AGBL1: variants seen among roughly 807,000 people sequenced by gnomAD.
The protein encoded by AGBL1 is AGBL carboxypeptidase 1.
AGBL1 carries 130 observed loss-of-function variants against 118.9 expected under a neutral mutation model. That is an observed-to-expected ratio of 1.09 (90% CI 0.95 to 1.26). AGBL1 has a LOEUF of 1.26. Ranked by LOEUF, AGBL1 falls within the 50% of genes most tolerant of loss-of-function variation. AGBL1 has a pLI of 0.00. For synonymous variants in AGBL1, 555 were observed against 478.9 expected, an observed-to-expected ratio of 1.16 and a Z score of -2.08; for missense variants, 1,584 against 1,298.1, an observed-to-expected ratio of 1.22 and a Z score of -3.38.
chr15:87,000,820 G>C (rs1202621222), intron 24 of AGBL1, among the ~76,000 whole-genome samples: 252 of 144,992 alleles, frequency 1.7e-3, no homozygotes, highest in African/African-American at 6.4e-3. Context: ...ACCTTGGGCA[G>C]TATGGCCACT....
chr15:86,271,043 ATTTTT>A (rs58166692), intron 14 of AGBL1, among the ~76,000 whole-genome samples: 7 of 89,062 alleles, frequency 7.9e-5, no homozygotes, highest in Admixed American at 4.7e-4. Flanking sequence ...GTCACGTTGC[ATTTTT>A]TTTTTTTTTT....
chr15:86,948,632 G>A (rs1355255860), intron 23 of AGBL1, among the ~76,000 whole-genome samples: 2 of 152,186 alleles, frequency 1.3e-5, no homozygotes, highest in Middle Eastern at 3.2e-3. Context: ...TGCGTGTGAT[G>A]AGTATGTCTT....
chr15:86,388,377 A>G (rs1225138156), intron 17 of AGBL1, among the ~76,000 whole-genome samples: 1 of 152,042 alleles, frequency 6.6e-6, no homozygotes, highest in Non-Finnish European at 1.5e-5. Context: ...TTAAAAGAAT[A>G]CTGAAGGAAC....
chr15:86,954,981 G>A (rs916334451), intron 23 of AGBL1, among the ~76,000 whole-genome samples: 3 of 152,088 alleles, frequency 2.0e-5, no homozygotes, highest in Non-Finnish European at 4.4e-5. Flanking sequence ...ACTTGTAAGA[G>A]TGTAAGTTCA....
chr15:86,475,842 C>A lies in AGBL1; in HGVS notation c.2556-46968C>A, dbSNP rs543088337. ...CCAGAAAGAAAGGTCGGGTTACCCACAAAGGGAAGCCCATCAGACTAACAG... is the reference window on the plus strand; with the variant it reads ...CCAGAAAGAAAGGTCGGGTTACCCAAAAAGGGAAGCCCATCAGACTAACAG... On this transcript the variant is annotated intron_variant, in intron 18 of 22. Coordinates refer to ENST00000614907, the MANE Select transcript of AGBL1 (RefSeq NM_001386094.1). Among the ~76,000 whole-genome samples, 4 of 152,290 alleles carry A rather than the reference C, an allele frequency of 2.6e-5. No homozygotes were observed. The East Asian group carries it at 7.7e-4, about 29-fold the overall frequency.
At chr15:86,902,057 A>G (rs2080219215) in intron 22 of AGBL1, among the ~76,000 whole-genome samples, 1 of 152,146 alleles carries the variant, frequency 6.6e-6, no homozygotes, top group African/African-American at 2.4e-5. Flanking sequence ...GCTATTACAA[A>G]TCAAGCTGCT....
At chr15:86,863,211 G>A (rs916491498) in intron 22 of AGBL1, among the ~76,000 whole-genome samples, 23 of 152,172 alleles carry the variant, frequency 1.5e-4, no homozygotes, top group African/African-American at 5.3e-4. Flanking sequence ...GGCATATAGA[G>A]ACTCCGGATA....
At chr15:86,833,727 G>T (rs1486490344) in intron 22 of AGBL1, among the ~76,000 whole-genome samples, 1 of 152,112 alleles carries the variant, frequency 6.6e-6, no homozygotes, top group Non-Finnish European at 1.5e-5. Flanking sequence ...ATCACGAACA[G>T]CTGGGACACT....
intron 15 of AGBL1, among the ~76,000 whole-genome samples, chr15:86,275,091 G>T (rs1047797842): frequency 6.6e-6 from 1 of 152,054 alleles, no homozygotes; most frequent in Non-Finnish European, 1.5e-5. Flanking sequence ...AGTTCCCTGT[G>T]GTCTGCTTCT....
intron 23 of AGBL1, among the ~76,000 whole-genome samples, chr15:86,921,477 C>A (rs1473855845): frequency 6.6e-6 from 1 of 152,216 alleles, no homozygotes; most frequent in Non-Finnish European, 1.5e-5. Flanking sequence ...CTCTAGCTTC[C>A]TTGGCTATTG....
At chr15:86,257,214 G>A (rs1190615883) in intron 8 of AGBL1, among the ~76,000 whole-genome samples, 196 bp downstream of exon 8, 1 of 152,136 alleles carries the variant, frequency 6.6e-6, no homozygotes, top group Non-Finnish European at 1.5e-5. Flanking sequence ...AAAAAACCAA[G>A]CTCGCTTATT....
intron 21 of AGBL1, among the ~76,000 whole-genome samples, chr15:86,560,916 C>T (rs1298892234): frequency 6.6e-6 from 1 of 152,162 alleles, no homozygotes; most frequent in Non-Finnish European, 1.5e-5. Flanking sequence ...TTTCATGTGT[C>T]TGTTGGCGGC....
At position 86,902,332 on chromosome 15, in the gene AGBL1, G is replaced by C. The variant is rs575417440; in HGVS notation, c.3159-4755G>C. Among the ~76,000 whole-genome samples, 54 of 152,108 alleles carry C rather than the reference G, an allele frequency of 3.6e-4. 2 individuals are homozygous for C. In the South Asian group the frequency reaches 9.3e-3, roughly 26 times the overall value. ...AGGTGGGCAGTGATATCTCATTATA[G>C]TCTTAATTTGCATTTCCCTCACAGT... is the stretch of plus-strand genomic sequence containing the variant. On this transcript the variant is annotated intron_variant, in intron 22 of 22. Transcript: ENST00000614907.
chr15:86,214,627 C>T (rs1186367947), intron 5 of AGBL1, among the ~76,000 whole-genome samples: 1 of 152,134 alleles, frequency 6.6e-6, no homozygotes, highest in Non-Finnish European at 1.5e-5. Flanking sequence ...CCGGTCTGCT[C>T]CTTTCCCCTC....
intron 7 of AGBL1, among the ~76,000 whole-genome samples, chr15:86,254,038 C>T (rs1496887): frequency 0.018 from 2,667 of 152,268 alleles, 47 homozygotes; most frequent in East Asian, 0.068. Flanking sequence ...GCTTTGGCTA[C>T]ATAGAAGCAG....
At chr15:86,122,828 C>A (rs1379994754) in intron 1 of AGBL1, among the ~76,000 whole-genome samples, 1 of 152,144 alleles carries the variant, frequency 6.6e-6, no homozygotes, top group Non-Finnish European at 1.5e-5. Context: ...GAACATGTCT[C>A]ATTATACCCT....
intron 23 of AGBL1, among the ~76,000 whole-genome samples, chr15:86,944,708 ACC>A (rs1156427036): frequency 1.3e-5 from 2 of 152,332 alleles, no homozygotes; most frequent in African/African-American, 2.4e-5. Flanking sequence ...AATTTTTAAT[ACC>A]TTCAATTCAT....
At chr15:86,401,301 AT>A (rs985141062) in intron 18 of AGBL1, among the ~76,000 whole-genome samples, 141 of 149,980 alleles carry the variant, frequency 9.4e-4, no homozygotes, top group African/African-American at 2.9e-3. Flanking sequence ...TTTTGATGGG[AT>A]TTTTTTTTCT....
chr15:86,849,420 T>A (rs1157689133), intron 22 of AGBL1, among the ~76,000 whole-genome samples: 1 of 152,098 alleles, frequency 6.6e-6, no homozygotes, highest in Non-Finnish European at 1.5e-5. Context: ...GGCTAAATAA[T>A]TCAAATCAGA....
Sources: allele counts gnomAD v4.1 joint callset (sites outside exome capture counted in the v4.1 genomes callset), GRCh38; gene constraint gnomAD v4.1.1; transcripts MANE v1.5; gene names NCBI Gene and HGNC (gene_info 2026-07-23, HGNC 2026-07-21).